FTO: variants seen among roughly 807,000 people sequenced by gnomAD.
FTO encodes the protein alpha-ketoglutarate-dependent dioxygenase FTO.
Under a neutral mutation model 63.9 loss-of-function variants are expected in FTO, and 47 were observed. The ratio of observed to expected loss-of-function variants is 0.74; its 90% confidence interval spans 0.58 to 0.94. The LOEUF (loss-of-function observed/expected upper bound fraction) is 0.94, where lower values mean the gene tolerates loss of function less well. FTO is among the 40% of genes least tolerant of loss of function. The pLI, the probability that FTO is intolerant of heterozygous loss-of-function variation, is 0.00. For synonymous variants in FTO, 207 were observed against 224.4 expected, an observed-to-expected ratio of 0.92 and a Z score of 0.69; for missense variants, 562 against 618.1, an observed-to-expected ratio of 0.91 and a Z score of 0.96.
rs1872864768 is a variant in FTO, at chr16:53,719,226, CTTCTTCTTCTTCTTT to C, written c.45+15015_45+15029del. Among the ~76,000 whole-genome samples the C allele has an allele frequency of 2.7e-5, 4 of 146,058 alleles. No homozygotes were observed. The South Asian group carries it at 6.5e-4, about 24-fold the overall frequency. On this transcript the variant is annotated intron_variant, in intron 1 of 8. Transcript: ENST00000471389. ...TTGCCTGTTGGAAGTTTGAACTTTA[CTTCTTCTTCTTCTTT>C]TTCTTCTTCTTCTTTTTTTTTTTTT...
chr16:54,116,835 C>T lies in FTO; in HGVS notation c.*4920C>T, dbSNP rs1426290699. 1.3e-5 allele frequency: 2 copies of T among 152,212 alleles called. No homozygotes were observed. Among genetic ancestry groups the T allele is most frequent in the African/African-American group, 4.8e-5 (2 of 41,426 alleles). The allele number at this position is 152,212 out of a possible 1,614,324, so 9.4% of individuals were successfully genotyped here. On this transcript the variant is annotated 3_prime_UTR_variant, in exon 9 of 9. Transcript: ENST00000471389. ...TCTCTCTTATTAACAAGGAGAACCA[C>T]AAGTGCCCCCCAGATCCCGGCTAGA...
chr16:53,844,471 T>C (rs1386231632), intron 4 of FTO, among the ~76,000 whole-genome samples, 173 bp downstream of exon 4: 2 of 152,302 alleles, frequency 1.3e-5, no homozygotes, highest in African/African-American at 4.8e-5. Flanking sequence ...ATATTGCTGA[T>C]TTTTTGAGAT....
intron 8 of FTO, among the ~76,000 whole-genome samples, chr16:53,975,234 C>T (rs767068293): frequency 6.6e-6 from 1 of 150,434 alleles, no homozygotes; most frequent in African/African-American, 2.4e-5. Flanking sequence ...GTTGCAGTTG[C>T]AGCTGTGTCC....
chr16:53,889,644 C>T (rs942593105), intron 7 of FTO, among the ~76,000 whole-genome samples: 5 of 152,084 alleles, frequency 3.3e-5, no homozygotes, highest in Non-Finnish European at 5.9e-5. Flanking sequence ...TTTTGGGGCC[C>T]TTGGATGCTG....
chr16:53,777,215 G>C (rs901987719), intron 1 of FTO, among the ~76,000 whole-genome samples: 4 of 152,012 alleles, frequency 2.6e-5, no homozygotes, highest in African/African-American at 9.7e-5. Context: ...CCCTTTCTCT[G>C]CTCTATCCCA....
intron 2 of FTO, among the ~76,000 whole-genome samples, chr16:53,813,042 T>C (rs915644871): frequency 1.4e-4 from 21 of 152,086 alleles, no homozygotes; most frequent in African/African-American, 4.8e-4. Flanking sequence ...AAGAATGAGA[T>C]ACAAAAGGTT....
At chr16:54,003,823 TA>T (rs1764832108) in intron 8 of FTO, among the ~76,000 whole-genome samples, 1 of 152,206 alleles carries the variant, frequency 6.6e-6, no homozygotes, top group Non-Finnish European at 1.5e-5. Context: ...ATAGTCTTTT[TA>T]AAAAAAGATG....
At chr16:53,707,727 A>G (rs1196717121) in intron 1 of FTO, among the ~76,000 whole-genome samples, 6 of 152,166 alleles carry the variant, frequency 3.9e-5, no homozygotes, top group Admixed American at 3.3e-4. Context: ...TTATTGAGTG[A>G]GGTATAATTT....
At chr16:53,704,074 G>A, upstream of FTO, 4 of 1,137,566 alleles carry the variant, frequency 3.5e-6, no homozygotes, top group Non-Finnish European at 5.2e-6. Flanking sequence ...TACTCAGAGG[G>A]AGAATAGCTC....
intron 8 of FTO, among the ~76,000 whole-genome samples, chr16:53,988,089 T>A (rs2083714439): frequency 6.6e-6 from 1 of 152,182 alleles, no homozygotes; most frequent in East Asian, 1.9e-4. Context: ...ACAAAGTCAT[T>A]TATCTTATTT....
intron 1 of FTO, among the ~76,000 whole-genome samples, chr16:53,707,528 T>G (rs2075656856): frequency 6.6e-6 from 1 of 152,228 alleles, no homozygotes. Context: ...TCAAATGCAC[T>G]GCACCCTTTT....
At chr16:53,859,121 A>G (rs2080096786) in intron 4 of FTO, among the ~76,000 whole-genome samples, 1 of 152,168 alleles carries the variant, frequency 6.6e-6, no homozygotes, top group South Asian at 2.1e-4. Context: ...ATTGACAGAA[A>G]AGATAATTAA....
At chr16:54,089,199 T>C (rs1380044727) in intron 8 of FTO, among the ~76,000 whole-genome samples, 1 of 152,172 alleles carries the variant, frequency 6.6e-6, no homozygotes, top group Non-Finnish European at 1.5e-5. Context: ...TTTGCACAAG[T>C]AGAGAATGGA....
intron 1 of FTO, among the ~76,000 whole-genome samples, chr16:53,769,617 T>C (rs1166935131): frequency 6.6e-6 from 1 of 152,174 alleles, no homozygotes; most frequent in East Asian, 1.9e-4. Flanking sequence ...CATTTATCTA[T>C]GAGACACTAC....
At chr16:53,745,794 C>T (rs978673528) in intron 1 of FTO, among the ~76,000 whole-genome samples, 3 of 152,148 alleles carry the variant, frequency 2.0e-5, no homozygotes, top group Non-Finnish European at 4.4e-5. Flanking sequence ...TTTGACTAAT[C>T]TTGAAACTGC....
intron 1 of FTO, among the ~76,000 whole-genome samples, chr16:53,760,100 T>G (rs190432652): frequency 6.6e-6 from 1 of 152,152 alleles, no homozygotes; most frequent in Non-Finnish European, 1.5e-5. Flanking sequence ...AGTTCCTGGT[T>G]ATTGTATTCC....
At chr16:53,785,375 T>C (rs1408492321) in intron 1 of FTO, among the ~76,000 whole-genome samples, 1 of 152,130 alleles carries the variant, frequency 6.6e-6, no homozygotes, top group Non-Finnish European at 1.5e-5. Context: ...TCATGGAGCT[T>C]ATATGCTAGT....
chr16:53,976,507 G>A (rs1296001777), intron 8 of FTO, among the ~76,000 whole-genome samples: 1 of 151,532 alleles, frequency 6.6e-6, no homozygotes, highest in Admixed American at 6.6e-5. Flanking sequence ...GATATTATAG[G>A]GCCTTCCCTC....
Position 53,874,116 on chromosome 16 carries a change from G to A in FTO, c.975+251G>A, listed in dbSNP as rs879554033. 2.5e-4 allele frequency among the ~76,000 whole-genome samples: 38 copies of A among 152,196 alleles called. 1 individual carries two copies. The highest frequency in any genetic ancestry group is 1.8e-4 in the Non-Finnish European group (12 of 68,024). ...ATGTTTCTTGGAGAAGGAAAATGCC[G>A]TTGACAAGTGTTTATAGTTAGAGGT... On this transcript the variant is annotated intron_variant, in intron 5 of 8. Transcript: ENST00000471389.
Sources: gnomAD v4.1 joint callset for allele counts (sites outside exome capture counted in the v4.1 genomes callset) on GRCh38, gnomAD v4.1.1 for gene constraint, MANE v1.5 for transcripts, NCBI Gene and HGNC (gene_info 2026-07-23, HGNC 2026-07-21) for gene names.